DIAPH3: variants seen among roughly 807,000 people sequenced by gnomAD.
The protein encoded by DIAPH3 is diaphanous related formin 3.
In DIAPH3, 117 loss-of-function variants were observed where a neutral mutation model predicts 144.3. The ratio of observed to expected loss-of-function variants is 0.81; its 90% CI spans 0.70 to 0.95. The LOEUF is 0.95. Ranked by LOEUF, DIAPH3 falls within the 40% of genes least tolerant of loss-of-function variation. DIAPH3 has a pLI of 0.00. For missense variants in DIAPH3, 1,421 were observed against 1,412.7 expected (o/e 1.01, Z -0.09); for synonymous variants, 519 against 488.9 (o/e 1.06, Z -0.81).
At chr13:59,896,698 C>T (rs753429139) in intron 20 of DIAPH3, among the ~76,000 whole-genome samples, 1 of 152,038 alleles carries the variant, frequency 6.6e-6, no homozygotes, top group South Asian at 2.1e-4. Flanking sequence ...CCGAGAAATC[C>T]GGGATACCTA....
At chr13:59,957,139 T>A (rs957868031) in intron 17 of DIAPH3, among the ~76,000 whole-genome samples, 9 of 152,174 alleles carry the variant, frequency 5.9e-5, no homozygotes, top group Non-Finnish European at 1.0e-4. Flanking sequence ...GTTAAGACTT[T>A]GGGAGACTGT....
At chr13:60,005,966 C>G (rs540398973) in intron 9 of DIAPH3, among the ~76,000 whole-genome samples, 1 of 152,070 alleles carries the variant, frequency 6.6e-6, no homozygotes, top group Non-Finnish European at 1.5e-5. Context: ...ACTGATAGTT[C>G]TCTTTCTAGA....
At chr13:59,845,838 C>T (rs1367447684) in intron 22 of DIAPH3, among the ~76,000 whole-genome samples, 8 of 152,164 alleles carry the variant, frequency 5.3e-5, no homozygotes, top group African/African-American at 1.9e-4. Context: ...TCTTCCTCTC[C>T]CAAATGGCTG....
rs1424715182 is a variant in DIAPH3, at chr13:60,162,805, TCTCTCACACA to T, written c.180+772_180+781del. On this transcript the variant is annotated intron_variant, in intron 1 of 27. Coordinates refer to ENST00000400324, the MANE Select transcript of DIAPH3 (RefSeq NM_001042517.2). Reference sequence around the variant, plus strand: ...TGTACTCTCTCTCTCTCTCTCTCTCTCTCTCACACACACACACACACACACACACACACAC... The same window carrying T: ...TGTACTCTCTCTCTCTCTCTCTCTCTCACACACACACACACACACACACAC... 4.0e-3 allele frequency among the ~76,000 whole-genome samples: 550 copies of T among 136,504 alleles called. 2 individuals are homozygous for T. The highest frequency in any genetic ancestry group is 0.013 in the African/African-American group (502 of 38,126). The allele number at this position is 136,504 out of a possible 152,430, so 89.6% of individuals were successfully genotyped here.
intron 27 of DIAPH3, among the ~76,000 whole-genome samples, chr13:59,771,221 G>A (rs1311169869): frequency 4.0e-5 from 6 of 151,860 alleles, no homozygotes; most frequent in Admixed American, 3.9e-4. Context: ...ATTTAAGAAG[G>A]CACAGACAAC....
At chr13:60,097,978 T>C (rs1420772011) in intron 3 of DIAPH3, among the ~76,000 whole-genome samples, 1 of 152,172 alleles carries the variant, frequency 6.6e-6, no homozygotes, top group African/African-American at 2.4e-5. Flanking sequence ...TATTGGGAGC[T>C]TTTTTTCCTA....
At chr13:59,843,047 CCCT>C (rs939235083) in intron 22 of DIAPH3, among the ~76,000 whole-genome samples, 2 of 152,164 alleles carry the variant, frequency 1.3e-5, no homozygotes, top group Admixed American at 1.3e-4. Flanking sequence ...ACAGTTCTAA[CCCT>C]TTAATCGTAT....
intron 25 of DIAPH3, among the ~76,000 whole-genome samples, chr13:59,809,423 A>T (rs1373030110): frequency 6.6e-6 from 1 of 151,446 alleles, no homozygotes; most frequent in Non-Finnish European, 1.5e-5. Context: ...AATCCCTCGA[A>T]CCCAGGAGGC....
At position 60,162,592 on chromosome 13, in the gene DIAPH3, A is replaced by G. The variant is rs145741419; in HGVS notation, c.180+995T>C. 5.4e-3 allele frequency among the ~76,000 whole-genome samples: 827 copies of G among 152,256 alleles called. 4 individuals are homozygous for G. Among genetic ancestry groups the G allele is most frequent in the African/African-American group, 0.019 (775 of 41,526 alleles). On this transcript the variant is annotated intron_variant, in intron 1 of 27. Transcript: ENST00000400324. ...GCTGTTCCTCATTTTCAATTAATCT[A>G]TGCTGTTTCTCATTTTCAGTATTCT...
chr13:59,877,292 T>C (rs1478647388), intron 21 of DIAPH3, among the ~76,000 whole-genome samples: 1 of 152,074 alleles, frequency 6.6e-6, no homozygotes, highest in African/African-American at 2.4e-5. Flanking sequence ...TTTTGACCTT[T>C]CTCTCTTCTC....
At chr13:59,814,491 G>A (rs1309926585) in intron 24 of DIAPH3, among the ~76,000 whole-genome samples, 1 of 152,144 alleles carries the variant, frequency 6.6e-6, no homozygotes, top group Non-Finnish European at 1.5e-5. Flanking sequence ...TAATATCCGA[G>A]TTCAAACAGT....
At chr13:60,070,071 G>T (rs2057140586) in intron 4 of DIAPH3, among the ~76,000 whole-genome samples, 1 of 152,246 alleles carries the variant, frequency 6.6e-6, no homozygotes, top group East Asian at 1.9e-4. Flanking sequence ...GCTTTGGGCA[G>T]TATGGCCATT....
chr13:59,902,691 G>A (rs1289220444), intron 20 of DIAPH3, among the ~76,000 whole-genome samples: 3 of 152,072 alleles, frequency 2.0e-5, no homozygotes, highest in Non-Finnish European at 2.9e-5. Context: ...CATGAGAATC[G>A]CATGAACTGG....
intron 27 of DIAPH3, among the ~76,000 whole-genome samples, chr13:59,758,846 C>A (rs1177818281): frequency 6.7e-6 from 1 of 150,154 alleles, no homozygotes; most frequent in East Asian, 2.0e-4. Context: ...ATGGTGGGAT[C>A]ATGGCTTACT....
intron 18 of DIAPH3, among the ~76,000 whole-genome samples, chr13:59,917,393 T>C (rs1328594399): frequency 6.6e-6 from 1 of 152,206 alleles, no homozygotes; most frequent in East Asian, 1.9e-4. Context: ...ACTTCTTTTC[T>C]GTATTGAGGT....
intron 4 of DIAPH3, among the ~76,000 whole-genome samples, chr13:60,044,712 A>G (rs1356593554): frequency 6.6e-6 from 1 of 152,198 alleles, no homozygotes; most frequent in Non-Finnish European, 1.5e-5. Flanking sequence ...ATATTTGCAT[A>G]TATTTATATT....
intron 5 of DIAPH3, among the ~76,000 whole-genome samples, chr13:60,036,467 A>T (rs542840035): frequency 1.3e-5 from 2 of 152,262 alleles, no homozygotes; most frequent in South Asian, 2.1e-4. Context: ...AAATAGCCAC[A>T]GGCAGCTAGT....
At chr13:59,928,380 A>C (rs1268548384) in intron 17 of DIAPH3, among the ~76,000 whole-genome samples, 1 of 151,538 alleles carries the variant, frequency 6.6e-6, no homozygotes, top group African/African-American at 2.4e-5. Context: ...GTCTTTTATA[A>C]ATTTCTTTTT....
rs867440482 is a variant in DIAPH3, at chr13:59,985,519, G to T, written c.1362-1632C>A. ...AATAAAGGGTATTCAATTAGGAAAAGAGGAAGTCAAATTGTCCCTGTGTGC... is the reference window on the plus strand; with the variant it reads ...AATAAAGGGTATTCAATTAGGAAAATAGGAAGTCAAATTGTCCCTGTGTGC... On this transcript the variant is annotated intron_variant, in intron 12 of 27. Transcript: ENST00000400324. Among the ~76,000 whole-genome samples the T allele has an allele frequency of 1.9e-3, 134 of 69,100 alleles. 15 individuals are homozygous for T. Among genetic ancestry groups the T allele is most frequent in the African/African-American group, 7.9e-3 (123 of 15,562 alleles). The allele number at this position is 69,100 out of a possible 152,430, so 45.3% of individuals were successfully genotyped here. A position where few individuals can be genotyped will look rare whatever the true frequency, so the allele number is the denominator to read the frequency against.
Sources: allele counts gnomAD v4.1 joint callset (sites outside exome capture counted in the v4.1 genomes callset), GRCh38; gene constraint gnomAD v4.1.1; transcripts MANE v1.5; gene names NCBI Gene and HGNC (gene_info 2026-07-23, HGNC 2026-07-21).